SMAP1: variants seen among roughly 807,000 people sequenced by gnomAD.
SMAP1 encodes stromal membrane-associated protein 1.
In SMAP1, 24 loss-of-function variants were observed where a neutral mutation model predicts 58.5. The observed-to-expected ratio is 0.41, with a 90% CI of 0.30 to 0.58. The LOEUF is 0.58. Among genes scored for constraint, SMAP1 ranks in the 20% least tolerant of loss-of-function variants. The pLI, the probability that SMAP1 is intolerant of heterozygous loss-of-function variation, is 0.29. For missense variants in SMAP1, 563 were observed against 566.3 expected, an observed-to-expected ratio of 0.99 and a Z score of 0.06; for synonymous variants, 216 against 196.6, an observed-to-expected ratio of 1.10 and a Z score of -0.82.
chr6:70,668,478 T>C, intron 1 of SMAP1: 1 of 1,444,432 alleles, frequency 6.9e-7, no homozygotes, highest in Non-Finnish European at 9.1e-7. Flanking sequence ...CGGGCACGGG[T>C]CTGGGCAGAG....
chr6:70,834,882 T>C (rs1383968149), intron 6 of SMAP1, among the ~76,000 whole-genome samples: 1 of 152,174 alleles, frequency 6.6e-6, no homozygotes, highest in Admixed American at 6.5e-5. Flanking sequence ...GAATAGAGAA[T>C]GTGAAATGGA....
At chr6:70,675,224 T>TA (rs766347799) in intron 1 of SMAP1, among the ~76,000 whole-genome samples, 1,910 of 107,374 alleles carry the variant, frequency 0.018, 30 homozygotes, top group Middle Eastern at 0.058. Flanking sequence ...TTTTTTTTTT[T>TA]ACCAGAGATG....
chr6:70,837,392 A>C (rs1164194871), intron 7 of SMAP1, among the ~76,000 whole-genome samples: 4 of 152,062 alleles, frequency 2.6e-5, no homozygotes, highest in African/African-American at 9.7e-5. Context: ...TTTTCCTCTT[A>C]GCAAAATAAT....
chr6:70,765,054 G>A (rs1406843780), intron 3 of SMAP1, among the ~76,000 whole-genome samples: 1 of 152,172 alleles, frequency 6.6e-6, no homozygotes, highest in East Asian at 1.9e-4. Flanking sequence ...GCCCACCTGG[G>A]CCTCCCAAAG....
At chr6:70,774,027 T>A (rs1178266231) in intron 4 of SMAP1, among the ~76,000 whole-genome samples, 1 of 152,202 alleles carries the variant, frequency 6.6e-6, no homozygotes, top group East Asian at 1.9e-4. Context: ...TATATCTGCA[T>A]ACACAGATAC....
chr6:70,677,082 C>T (rs1200735118), intron 1 of SMAP1, among the ~76,000 whole-genome samples: 6 of 152,038 alleles, frequency 3.9e-5, no homozygotes, highest in African/African-American at 1.4e-4. Context: ...TGAGCCACCT[C>T]ACCTTGCGTA....
chr6:70,755,783 CTGAG>C (rs1319521621), intron 3 of SMAP1, among the ~76,000 whole-genome samples: 6 of 151,848 alleles, frequency 4.0e-5, no homozygotes, highest in African/African-American at 1.2e-4. Context: ...TGTAAGCATC[CTGAG>C]TATGTTAGAA....
intron 1 of SMAP1, among the ~76,000 whole-genome samples, chr6:70,703,317 G>A (rs777620200): frequency 3.7e-4 from 57 of 152,026 alleles, no homozygotes; most frequent in African/African-American, 1.3e-3. Context: ...CAAGTGATCC[G>A]CCCACCTCGG....
intron 1 of SMAP1, among the ~76,000 whole-genome samples, chr6:70,674,526 G>A (rs1052616319): frequency 6.6e-6 from 1 of 152,100 alleles, no homozygotes; most frequent in Admixed American, 6.5e-5. Flanking sequence ...AAACTTGGAG[G>A]CCATTTTGTA....
intron 2 of SMAP1, among the ~76,000 whole-genome samples, chr6:70,744,743 G>A (rs933028114): frequency 1.3e-5 from 2 of 152,200 alleles, no homozygotes; most frequent in African/African-American, 4.8e-5. Context: ...TTGGGGAATT[G>A]CCACACTGTC....
intron 6 of SMAP1, among the ~76,000 whole-genome samples, chr6:70,815,688 T>C (rs1011681573): frequency 2.0e-5 from 3 of 152,064 alleles, no homozygotes; most frequent in African/African-American, 7.2e-5. Flanking sequence ...TCCCTTGAGA[T>C]GAAATAAGCT....
In SMAP1 at chr6:70,824,616, A is replaced by G. The variant is rs142922627; in HGVS notation, c.577-12325A>G. 5.4e-4 allele frequency among the ~76,000 whole-genome samples: 82 copies of G among 152,296 alleles called. 1 individual carries two copies. The East Asian group carries it at 0.015, about 29-fold the overall frequency. ...TTAATTGCAAACATAAGAGCATTTA[A>G]CCCACATATGGAATCAATGAAATGA... On this transcript the variant is annotated intron_variant, in intron 6 of 10. Transcript: ENST00000370455.
At chr6:70,834,935 A>C (rs1250615077) in intron 6 of SMAP1, among the ~76,000 whole-genome samples, 1 of 152,150 alleles carries the variant, frequency 6.6e-6, no homozygotes, top group Admixed American at 6.5e-5. Flanking sequence ...ACAGGTGGCT[A>C]ATTCTTTATT....
At chr6:70,796,104 A>G (rs1215831503) in intron 5 of SMAP1, among the ~76,000 whole-genome samples, 1 of 152,092 alleles carries the variant, frequency 6.6e-6, no homozygotes, top group Non-Finnish European at 1.5e-5. Context: ...TATATAGAAA[A>G]CATTTTATAA....
intron 2 of SMAP1, among the ~76,000 whole-genome samples, chr6:70,746,385 C>T (rs569544169): frequency 1.3e-4 from 19 of 151,964 alleles, no homozygotes; most frequent in African/African-American, 4.1e-4. Flanking sequence ...AGCATGAAGG[C>T]TGTTGAATTT....
chr6:70,791,864 T>C (rs777535059), intron 5 of SMAP1, 95 bp downstream of exon 5: 4 of 990,306 alleles, frequency 4.0e-6, no homozygotes, highest in Non-Finnish European at 2.9e-6. Context: ...ATAATAGTTG[T>C]TGATATTTTG....
At chr6:70,718,514 G>A (rs1286895675) in intron 1 of SMAP1, among the ~76,000 whole-genome samples, 3 of 152,136 alleles carry the variant, frequency 2.0e-5, no homozygotes, top group Non-Finnish European at 1.5e-5. Context: ...CATTATCCAA[G>A]TTGGTTATAA....
intron 5 of SMAP1, among the ~76,000 whole-genome samples, chr6:70,794,058 G>A (rs1768490688): frequency 6.6e-6 from 1 of 151,320 alleles, no homozygotes; most frequent in Admixed American, 6.6e-5. Flanking sequence ...AATCACTCAA[G>A]TATAGTTTGA....
chr6:70,798,715 C>A lies in SMAP1; in HGVS notation c.554C>A (p.Ala185Glu). Reference sequence around the variant, plus strand: ...AGAGAAAAGGAGCCAGAAAAGCCGGCAAAACCACTTACAGCTGAAAAGGTA... The same window carrying A: ...AGAGAAAAGGAGCCAGAAAAGCCGGAAAAACCACTTACAGCTGAAAAGGTA... ...KKREKEPEKP[A>E]KPLTAEKLQK... The change falls in exon 6 of 11, where the codon GCA (alanine) becomes GAA (glutamate). Residue 185 changes from alanine (A) to glutamate (E), a missense_variant. Physicochemically the swap from Ala to Glu is moderately radical, Grantham distance 107 (BLOSUM62 -1). This residue lies in a region of SMAP1 where 494 missense variants were observed against 473.8 expected (regional missense o/e 1.04). Transcript: ENST00000370455. The A allele has an allele frequency of 1.3e-6, 2 of 1,558,908 alleles. No homozygotes were observed. The highest frequency in any genetic ancestry group is 1.2e-5 in the South Asian group (1 of 80,414).
Sources: gnomAD v4.1 joint callset for allele counts (sites outside exome capture counted in the v4.1 genomes callset) on GRCh38, gnomAD v4.1.1 for gene constraint, gnomAD v4.1.1 regional missense constraint, MANE v1.5 for transcripts, NCBI Gene and HGNC (gene_info 2026-07-23, HGNC 2026-07-21) for gene names.